Variants in SNX1 observed in about 807,000 individuals in gnomAD.
SNX1 encodes sorting nexin 1.
SNX1 carries 36 observed loss-of-function variants against 71.8 expected under a neutral mutation model. The observed-to-expected ratio is 0.50, with a 90% CI of 0.38 to 0.66. SNX1 has a LOEUF of 0.66. Ranked by LOEUF, SNX1 falls within the 30% of genes least tolerant of loss-of-function variation. The probability of loss-of-function intolerance (pLI) is 0.00; values close to 1 mark genes in which losing one functional copy is unlikely to be tolerated. For missense variants in SNX1, 612 were observed against 646.7 expected (o/e 0.95, Z 0.58); for synonymous variants, 254 against 240.7 (o/e 1.06, Z -0.51).
intron 5 of SNX1, among the ~76,000 whole-genome samples, chr15:64,124,178 A>ATATATATATATATATATATATGTATG (rs1445871067): frequency 8.1e-6 from 1 of 123,548 alleles, no homozygotes; most frequent in African/African-American, 2.9e-5. Flanking sequence ...ATATATATAT[A>ATATATATATATATATATATATGTATG]TGACTGTTTT....
chr15:64,130,456 T>G, intron 10 of SNX1, 135 bp downstream of exon 10: 1 of 709,430 alleles, frequency 1.4e-6, no homozygotes, highest in Non-Finnish European at 2.4e-6. Flanking sequence ...CTTGATGTTC[T>G]GATAAAAAAA....
At chr15:64,131,934 T>C (rs2081311619) in intron 11 of SNX1, 42 bp downstream of exon 11, 3 of 1,601,972 alleles carry the variant, frequency 1.9e-6, no homozygotes, top group East Asian at 4.5e-5. Context: ...CTTGATTTGA[T>C]TTGTTTTTCC....
chr15:64,127,906 T>G, intron 8 of SNX1, 100 bp downstream of exon 8: 1 of 774,452 alleles, frequency 1.3e-6, no homozygotes, highest in Non-Finnish European at 2.2e-6. Flanking sequence ...ACATGCCTAG[T>G]ACTAGACTGT....
rs765420997 is a variant in SNX1, at chr15:64,130,022, C to T, written c.914C>T (p.Ser305Leu). ...AAAATGACCATCAAGATGAATGAAT[C>T]AGACATTGTGAGTAGCCCTGTGCCT... Reference protein sequence around the residue: ...VSKMTIKMNESDIWFEEKLQE... With the variant: ...VSKMTIKMNELDIWFEEKLQE... The change falls in exon 9 of 15, where the codon TCA (serine) becomes TTA (leucine). Residue 305 changes from serine (S) to leucine (L), a missense_variant. Coordinates refer to ENST00000559844, the MANE Select transcript of SNX1 (RefSeq NM_003099.5). 6.2e-7 allele frequency: 1 copy of T among 1,612,484 alleles called. No homozygotes were observed. The highest frequency in any genetic ancestry group is 1.1e-5 in the South Asian group (1 of 91,044).
intron 1 of SNX1, among the ~76,000 whole-genome samples, chr15:64,110,039 C>G (rs938844774): frequency 2.6e-5 from 4 of 152,064 alleles, no homozygotes; most frequent in African/African-American, 9.7e-5. Flanking sequence ...TTTGGTGGAA[C>G]CTGGAAACTG....
Position 64,096,145 on chromosome 15 carries a change from G to A in SNX1, c.132G>A (p.Glu44=), listed in dbSNP as rs759362417. ...CTGGGGACAGCGACACCGAGGGGGAGGACATTTTCACCGGCGCCGCGGTGG... is the reference window on the plus strand; with the variant it reads ...CTGGGGACAGCGACACCGAGGGGGAAGACATTTTCACCGGCGCCGCGGTGG... ...PEAGDSDTEG[E]DIFTGAAVVS... Residue 44 remains glutamate, a synonymous_variant, in exon 1 of 15, where the codon GAG becomes GAA. Transcript: ENST00000559844. The A allele has an allele frequency of 3.9e-6, 6 of 1,553,500 alleles. No individual in the cohort carries two copies. In the East Asian group the frequency reaches 1.4e-4, roughly 38 times the overall value.
rs2081282963 is a variant in SNX1, at chr15:64,129,224, G to GCGA, written c.808-690_808-688dup. Among the ~76,000 whole-genome samples the GCGA allele has an allele frequency of 6.6e-6, 1 of 151,370 alleles. No homozygotes were observed. Among genetic ancestry groups the GCGA allele is most frequent in the Admixed American group, 6.6e-5 (1 of 15,234 alleles). On this transcript the variant is annotated intron_variant, in intron 8 of 14. Coordinates refer to ENST00000559844, the MANE Select transcript of SNX1 (RefSeq NM_003099.5). This position sits in a 1 kb window ranked among gnomAD's most constrained non-coding sequence, Gnocchi z 4.4. The stretch of plus-strand genomic sequence containing the variant: ...ATCGTGCCACTGCACTCCAGCCTGG[G>GCGA]CGACAAGAGCAAGACTCCGTCTCAA...
Position 64,108,507 on chromosome 15 carries a change from G to A in SNX1, c.160-4066G>A, listed in dbSNP as rs756738549. Among the ~76,000 whole-genome samples, 3 of 152,042 alleles carry A rather than the reference G, an allele frequency of 2.0e-5. 1 individual carries two copies. In the South Asian group the frequency reaches 6.2e-4, roughly 31 times the overall value. On this transcript the variant is annotated intron_variant, in intron 1 of 14. Transcript: ENST00000559844. Reference sequence around the variant, plus strand: ...TTTTAACTGCACCATGTGAATATACGATACCATGAACGTGAGTCCATTTCT... The same window carrying A: ...TTTTAACTGCACCATGTGAATATACAATACCATGAACGTGAGTCCATTTCT...
chr15:64,115,236 TC>T (rs1203974076), intron 2 of SNX1, among the ~76,000 whole-genome samples: 2 of 152,168 alleles, frequency 1.3e-5, no homozygotes, highest in Non-Finnish European at 2.9e-5. Flanking sequence ...TTTACTTCAT[TC>T]CCCTACTAGT....
intron 5 of SNX1, among the ~76,000 whole-genome samples, chr15:64,124,619 A>T (rs921216176): frequency 6.6e-6 from 1 of 152,098 alleles, no homozygotes; most frequent in African/African-American, 2.4e-5. Context: ...ATATACCACA[A>T]AATATTTATG....
At chr15:64,131,069 G>T (rs1444404842) in intron 10 of SNX1, among the ~76,000 whole-genome samples, 1 of 152,172 alleles carries the variant, frequency 6.6e-6, no homozygotes, top group South Asian at 2.1e-4. Flanking sequence ...TGGGTCACGA[G>T]GTCAGGAGTT....
At chr15:64,096,351 C>G (rs1019943739) in intron 1 of SNX1, among the ~76,000 whole-genome samples, 179 bp downstream of exon 1, 6 of 152,290 alleles carry the variant, frequency 3.9e-5, no homozygotes, top group Admixed American at 3.3e-4. Context: ...TTCCCGGCCC[C>G]CAGGCGGGAA....
chr15:64,138,307 C>T lies in SNX1; in HGVS notation c.*689C>T. On this transcript the variant is annotated 3_prime_UTR_variant, in exon 15 of 15. Coordinates refer to ENST00000559844, the MANE Select transcript of SNX1 (RefSeq NM_003099.5). ...AAAACCTATTCTCCTGCAAAGGAGG[C>T]AGAGACTTTCTCTCTCTCTTTTTTT... 1 of 983,266 alleles carries T rather than the reference C, an allele frequency of 1.0e-6. No individual in the cohort carries two copies. Among genetic ancestry groups the T allele is most frequent in the Non-Finnish European group, 1.4e-6 (1 of 715,778 alleles). The allele number at this position is 983,266 out of a possible 1,614,324, so 60.9% of individuals were successfully genotyped here.
intron 1 of SNX1, among the ~76,000 whole-genome samples, chr15:64,098,657 T>C (rs1011535936): frequency 7.3e-6 from 1 of 136,792 alleles, no homozygotes; most frequent in Non-Finnish European, 1.5e-5. Context: ...GCCACTGTGC[T>C]CCAGCCTAGG....
At chr15:64,120,937 C>G (rs373434918) in intron 4 of SNX1, among the ~76,000 whole-genome samples, 2 of 152,122 alleles carry the variant, frequency 1.3e-5, no homozygotes, top group African/African-American at 4.8e-5. Flanking sequence ...TTACACAGTT[C>G]TGTCATCTAA....
intron 10 of SNX1, 80 bp downstream of exon 10, chr15:64,130,401 C>A: frequency 8.8e-7 from 1 of 1,130,506 alleles, no homozygotes; most frequent in Non-Finnish European, 1.3e-6. Flanking sequence ...CATGCTGTTC[C>A]AATCCTCTCA....
rs1323133961 is a variant in SNX1, at chr15:64,096,153, T to C, written c.140T>C (p.Phe47Ser). ...GDSDTEGEDI[F>S]TGAAVVSKHQ... The stretch of plus-strand genomic sequence containing the variant: ...AGCGACACCGAGGGGGAGGACATTT[T>C]CACCGGCGCCGCGGTGGTCGTGAGT... Residue 47 changes from phenylalanine to serine, a missense_variant, in exon 1 of 15, where the codon TTC becomes TCC. Transcript: ENST00000559844. The C allele has an allele frequency of 6.4e-7, 1 of 1,552,110 alleles. No homozygotes were observed. Among genetic ancestry groups the C allele is most frequent in the Non-Finnish European group, 8.7e-7 (1 of 1,147,922 alleles).
chr15:64,137,706 C>T lies in SNX1; in HGVS notation c.*88C>T. The T allele has an allele frequency of 6.3e-7, 1 of 1,596,218 alleles. No homozygotes were observed. The highest frequency in any genetic ancestry group is 8.6e-7 in the Non-Finnish European group (1 of 1,168,792). ...CCTTGATGGACCCCTAGTGATGCAT[C>T]CTGCCTAGGCTGGACTTAACCCCTT... On this transcript the variant is annotated 3_prime_UTR_variant, in exon 15 of 15. Coordinates refer to ENST00000559844, the MANE Select transcript of SNX1 (RefSeq NM_003099.5).
chr15:64,099,571 G>C (rs1283307048), intron 1 of SNX1, among the ~76,000 whole-genome samples: 1 of 152,212 alleles, frequency 6.6e-6, no homozygotes, highest in Non-Finnish European at 1.5e-5. Flanking sequence ...AGGATCACTT[G>C]AGCCCAGGAG....
Sources: gnomAD v4.1 joint callset for allele counts (sites outside exome capture counted in the v4.1 genomes callset) on GRCh38, gnomAD v4.1.1 for gene constraint, Gnocchi (gnomAD v3.1) non-coding constraint, MANE v1.5 for transcripts, NCBI Gene and HGNC (gene_info 2026-07-23, HGNC 2026-07-21) for gene names.